Variants in TPH2 observed in about 807,000 individuals in gnomAD.
The protein encoded by TPH2 is tryptophan 5-hydroxylase 2.
In TPH2, 27 loss-of-function variants were observed where a neutral mutation model predicts 59.1. That is an observed-to-expected ratio of 0.46 (90% CI 0.34 to 0.63). The LOEUF (loss-of-function observed/expected upper bound fraction) is 0.63. Ranked by LOEUF, TPH2 falls within the 30% of genes least tolerant of loss-of-function variation. The probability of loss-of-function intolerance (pLI) is 0.01; values close to 1 mark genes in which losing one functional copy is unlikely to be tolerated. For synonymous variants in TPH2, 220 were observed against 210.5 expected, an observed-to-expected ratio of 1.05 and a Z score of -0.39; for missense variants, 523 against 588.3, an observed-to-expected ratio of 0.89 and a Z score of 1.15.
intron 8 of TPH2, among the ~76,000 whole-genome samples, chr12:72,015,228 A>G (rs1260303934): frequency 6.6e-6 from 1 of 152,054 alleles, no homozygotes; most frequent in East Asian, 1.9e-4. Context: ...TGTCTTCTCA[A>G]AAACTAGATG....
intron 8 of TPH2, among the ~76,000 whole-genome samples, chr12:71,999,480 T>C (rs1035372332): frequency 2.0e-5 from 3 of 152,216 alleles, no homozygotes; most frequent in Non-Finnish European, 4.4e-5. Context: ...GTGATAGATA[T>C]GCAAAAATAT....
At chr12:71,943,688 T>C (rs1380057658) in intron 2 of TPH2, among the ~76,000 whole-genome samples, 1 of 152,012 alleles carries the variant, frequency 6.6e-6, no homozygotes, top group Non-Finnish European at 1.5e-5. Flanking sequence ...AAAGATCCTG[T>C]CTTGACTACT....
chr12:72,015,622 T>C (rs1355200070), intron 8 of TPH2, among the ~76,000 whole-genome samples: 1 of 152,120 alleles, frequency 6.6e-6, no homozygotes, highest in Non-Finnish European at 1.5e-5. Flanking sequence ...CCCGGCTTTA[T>C]GTGTTTTTAT....
chr12:71,966,130 T>A (rs1871811348), intron 5 of TPH2, among the ~76,000 whole-genome samples: 1 of 152,182 alleles, frequency 6.6e-6, no homozygotes, highest in African/African-American at 2.4e-5. Context: ...CTGGAAATTA[T>A]GCCAAATTCA....
chr12:71,975,868 T>A (rs1412751960), intron 6 of TPH2, among the ~76,000 whole-genome samples: 1 of 152,272 alleles, frequency 6.6e-6, no homozygotes. Context: ...CATCTTCTTC[T>A]TTGTGTCCCA....
intron 7 of TPH2, among the ~76,000 whole-genome samples, chr12:71,990,311 C>T (rs1872551758): frequency 6.6e-6 from 1 of 152,162 alleles, no homozygotes; most frequent in East Asian, 1.9e-4. Flanking sequence ...ACTTTACATG[C>T]AGGACACAGC....
intron 4 of TPH2, among the ~76,000 whole-genome samples, chr12:71,946,893 G>T (rs1173528082): frequency 6.6e-6 from 1 of 152,082 alleles, no homozygotes; most frequent in Non-Finnish European, 1.5e-5. Context: ...GAGTCTGTAG[G>T]GCCTGGGATT....
chr12:71,960,138 G>A (rs1031506447), intron 5 of TPH2, among the ~76,000 whole-genome samples: 11 of 152,174 alleles, frequency 7.2e-5, no homozygotes, highest in African/African-American at 2.7e-4. Context: ...AAATTGAAAA[G>A]TAGAACAAAA....
intron 8 of TPH2, among the ~76,000 whole-genome samples, chr12:72,013,030 C>A (rs1455220227): frequency 6.6e-6 from 1 of 152,148 alleles, no homozygotes; most frequent in Non-Finnish European, 1.5e-5. Flanking sequence ...AAAATTCAGA[C>A]TAAAACAGTG....
chr12:71,958,488 T>G (rs896502694), intron 5 of TPH2, among the ~76,000 whole-genome samples: 3 of 152,234 alleles, frequency 2.0e-5, no homozygotes, highest in Non-Finnish European at 4.4e-5. Context: ...GCACCATCCT[T>G]GTAAGTATTT....
At chr12:72,008,494 A>G (rs992341277) in intron 8 of TPH2, among the ~76,000 whole-genome samples, 2 of 152,152 alleles carry the variant, frequency 1.3e-5, no homozygotes, top group Admixed American at 6.6e-5. Flanking sequence ...AGCATCTGAC[A>G]TATGTTCATT....
chr12:71,982,172 T>A (rs1872303337), intron 7 of TPH2, among the ~76,000 whole-genome samples: 1 of 151,542 alleles, frequency 6.6e-6, no homozygotes, highest in African/African-American at 2.4e-5. Flanking sequence ...CCCAGCTAAT[T>A]TTTTGTGTTT....
chr12:71,996,372 A>G (rs1196492732), intron 8 of TPH2, among the ~76,000 whole-genome samples: 3 of 152,252 alleles, frequency 2.0e-5, no homozygotes, highest in Admixed American at 6.5e-5. Flanking sequence ...CCCACGCTCA[A>G]CTGGAGTGGA....
chr12:72,007,914 A>G (rs17722134), intron 8 of TPH2, among the ~76,000 whole-genome samples: 2,753 of 152,286 alleles, frequency 0.018, 33 homozygotes, highest in Non-Finnish European at 0.03. Context: ...CCTACTAAAT[A>G]TCTTTTCCAC....
intron 8 of TPH2, among the ~76,000 whole-genome samples, chr12:71,999,627 T>G (rs1041434355): frequency 6.6e-6 from 1 of 152,196 alleles, no homozygotes; most frequent in Non-Finnish European, 1.5e-5. Flanking sequence ...ATTGGCCAGC[T>G]AGGTAGCACA....
At chr12:71,978,010 A>C (rs1872167930) in intron 6 of TPH2, among the ~76,000 whole-genome samples, 1 of 152,156 alleles carries the variant, frequency 6.6e-6, no homozygotes, top group Non-Finnish European at 1.5e-5. Context: ...AATACTTACT[A>C]ATGTGTTACA....
At chr12:72,022,339 T>C in intron 8 of TPH2, 60 bp from the exon 9 acceptor site, 1 of 1,275,078 alleles carries the variant, frequency 7.8e-7, no homozygotes, top group South Asian at 1.2e-5. Context: ...TTGGGTGCCA[T>C]TTAATCCTAT....
rs549681466 is a variant in TPH2, at chr12:72,008,480, A to T, written c.1068+13915A>T. ...AACCTGAGTTATAGCTCTTACGTTT[A>T]TTTAGCATCTGACATATGTTCATTC... On this transcript the variant is annotated intron_variant, in intron 8 of 10. Transcript: ENST00000333850. Among the ~76,000 whole-genome samples the T allele has an allele frequency of 3.9e-5, 6 of 152,272 alleles. No individual in the cohort carries two copies. The South Asian group carries it at 1.2e-3, about 32-fold the overall frequency.
At chr12:72,022,986 T>C (rs1379554666) in intron 9 of TPH2, among the ~76,000 whole-genome samples, 2 of 152,252 alleles carry the variant, frequency 1.3e-5, no homozygotes, top group African/African-American at 4.8e-5. Flanking sequence ...CATAAACAAT[T>C]TGGAAAAACA....
Sources: allele counts gnomAD v4.1 joint callset (sites outside exome capture counted in the v4.1 genomes callset), GRCh38; gene constraint gnomAD v4.1.1; transcripts MANE v1.5; gene names NCBI Gene and HGNC (gene_info 2026-07-23, HGNC 2026-07-21).